The following AOAH variants were observed in gnomAD, a reference collection of about 807,000 sequenced individuals.
AOAH encodes the protein acyloxyacyl hydrolase, also known as acyloxyacyl hydrolase (neutrophil).
A neutral mutation model predicts 92.2 loss-of-function variants in AOAH; 64 were observed. The ratio of observed to expected loss-of-function variants is 0.69; its 90% CI spans 0.57 to 0.86. AOAH has a LOEUF of 0.86. Among genes scored for constraint, AOAH ranks in the 40% least tolerant of loss-of-function variants. The probability of loss-of-function intolerance (pLI) is 0.00; values close to 1 mark genes in which losing one functional copy is unlikely to be tolerated. For synonymous variants in AOAH, 263 were observed against 254.5 expected (o/e 1.03, Z -0.32); for missense variants, 656 against 694.6 (o/e 0.94, Z 0.62).
chr7:36,552,614 C>T (rs549942317), intron 13 of AOAH, among the ~76,000 whole-genome samples: 2 of 152,254 alleles, frequency 1.3e-5, no homozygotes, highest in South Asian at 4.1e-4. Context: ...ATTTACATTC[C>T]CACCAACAGC....
chr7:36,674,827 G>T (rs1409732411), intron 2 of AOAH, among the ~76,000 whole-genome samples: 1 of 152,238 alleles, frequency 6.6e-6, no homozygotes, highest in Non-Finnish European at 1.5e-5. Context: ...TGATGGAGTG[G>T]TGAAACAAGA....
chr7:36,608,114 G>A (rs1393542864), intron 11 of AOAH, among the ~76,000 whole-genome samples: 2 of 152,218 alleles, frequency 1.3e-5, no homozygotes, highest in African/African-American at 2.4e-5. Flanking sequence ...CAGGGCCCAC[G>A]CTCTTTCTGT....
At chr7:36,558,136 A>T (rs1023324498) in intron 13 of AOAH, among the ~76,000 whole-genome samples, 4 of 151,858 alleles carry the variant, frequency 2.6e-5, no homozygotes, top group African/African-American at 9.7e-5. Context: ...TTGGTCTTTG[A>T]TGATGGTGAT....
chr7:36,591,938 T>C (rs1027160921), intron 12 of AOAH, among the ~76,000 whole-genome samples: 52 of 152,328 alleles, frequency 3.4e-4, no homozygotes, highest in Non-Finnish European at 2.9e-4. Flanking sequence ...CTTTCATTCC[T>C]TGAGTGACTC....
intron 12 of AOAH, among the ~76,000 whole-genome samples, chr7:36,580,709 T>G (rs1323485863): frequency 6.6e-6 from 1 of 152,220 alleles, no homozygotes; most frequent in Non-Finnish European, 1.5e-5. Context: ...TAATTGATTT[T>G]GATTGGAAGC....
chr7:36,514,665 T>A, intron 20 of AOAH: 1 of 1,000,984 alleles, frequency 1.0e-6, no homozygotes, highest in Non-Finnish European at 1.5e-6. Flanking sequence ...ATCTCAACAG[T>A]GGTTTTCAAT....
chr7:36,693,784 A>G (rs1797547729), intron 1 of AOAH, among the ~76,000 whole-genome samples: 1 of 152,150 alleles, frequency 6.6e-6, no homozygotes, highest in African/African-American at 2.4e-5. Context: ...TTTAATTGGT[A>G]CCTATGTCTG....
Position 36,594,404 on chromosome 7 carries a change from G to A in AOAH, c.873C>T (p.Ala291=). ...SLNSFINLPT[A]LTNELDWPQL... is the part of the protein sequence containing the mutation. The stretch of plus-strand genomic sequence containing the variant: ...GGGGCCAGTCAAGCTCGTTGGTAAG[G>A]GCTGTTGGTAGATTGATGAAAGAGT... Residue 291 remains alanine (A), a synonymous_variant, in exon 12 of 21, where the codon GCC becomes GCT. Coordinates refer to ENST00000617537, the MANE Select transcript of AOAH (RefSeq NM_001637.4). 2 of 1,613,892 alleles carry A rather than the reference G, an allele frequency of 1.2e-6. No homozygotes were observed. Among genetic ancestry groups the A allele is most frequent in the Non-Finnish European group, 1.7e-6 (2 of 1,179,834 alleles).
intron 16 of AOAH, 125 bp from the exon 17 acceptor site, chr7:36,532,469 A>C: frequency 4.6e-6 from 4 of 863,406 alleles, no homozygotes; most frequent in Non-Finnish European, 7.7e-6. Context: ...CTGATTTTTC[A>C]TGCAGCATTG....
At chr7:36,517,234 C>G (rs57211085) in intron 20 of AOAH, among the ~76,000 whole-genome samples, 7 of 64,530 alleles carry the variant, frequency 1.1e-4, no homozygotes, top group African/African-American at 2.1e-4. Context: ...CTGTCTCTCT[C>G]TCTCTCTCTC....
chr7:36,650,039 G>A (rs1021744068), intron 4 of AOAH, among the ~76,000 whole-genome samples: 1 of 152,058 alleles, frequency 6.6e-6, no homozygotes, highest in African/African-American at 2.4e-5. Flanking sequence ...CTTGGAATCC[G>A]TGAGGCCAAG....
chr7:36,534,571 G>A (rs937310975), intron 16 of AOAH, among the ~76,000 whole-genome samples: 3 of 152,218 alleles, frequency 2.0e-5, no homozygotes, highest in Admixed American at 1.3e-4. Flanking sequence ...GAAGGGAAGA[G>A]GGAAATGGTT....
chr7:36,565,558 G>T (rs1208418848), intron 13 of AOAH, among the ~76,000 whole-genome samples: 2 of 150,616 alleles, frequency 1.3e-5, no homozygotes, highest in Non-Finnish European at 3.0e-5. Flanking sequence ...TTTGAGACAG[G>T]GTCTCACTTT....
intron 1 of AOAH, among the ~76,000 whole-genome samples, chr7:36,692,492 T>C (rs546544136): frequency 2.0e-5 from 3 of 152,178 alleles, no homozygotes; most frequent in Admixed American, 1.3e-4. Context: ...GGGTTCAAAA[T>C]TGCCAACGTT....
intron 6 of AOAH, among the ~76,000 whole-genome samples, chr7:36,628,805 G>A (rs555141308): frequency 3.9e-5 from 6 of 152,302 alleles, no homozygotes; most frequent in South Asian, 2.1e-4. Flanking sequence ...CAGAAGACAC[G>A]CAGGTCTTGT....
intron 16 of AOAH, among the ~76,000 whole-genome samples, chr7:36,538,073 G>A (rs1785197311): frequency 6.7e-6 from 1 of 150,054 alleles, no homozygotes; most frequent in South Asian, 2.1e-4. Context: ...TGTCACCCAG[G>A]CTGGAGTGCA....
intron 13 of AOAH, among the ~76,000 whole-genome samples, chr7:36,550,933 T>C (rs1786188512): frequency 6.6e-6 from 1 of 152,300 alleles, no homozygotes; most frequent in East Asian, 1.9e-4. Flanking sequence ...TATGCAATGA[T>C]TGCCTCTTTG....
chr7:36,598,613 G>C (rs1179110688), intron 11 of AOAH, among the ~76,000 whole-genome samples: 2 of 152,216 alleles, frequency 1.3e-5, no homozygotes, highest in Admixed American at 6.5e-5. Flanking sequence ...CCCTTTCCAA[G>C]TGAACTGTCC....
intron 11 of AOAH, among the ~76,000 whole-genome samples, chr7:36,602,359 G>A (rs1325989230): frequency 6.6e-6 from 1 of 151,484 alleles, no homozygotes; most frequent in African/African-American, 2.4e-5. Context: ...ATGAGTCGAG[G>A]GATGCATTTC....
Sources: allele counts gnomAD v4.1 joint callset (sites outside exome capture counted in the v4.1 genomes callset), GRCh38; gene constraint gnomAD v4.1.1; transcripts MANE v1.5; gene names NCBI Gene and HGNC (gene_info 2026-07-23, HGNC 2026-07-21).